Variants in NCALD observed in about 807,000 individuals in gnomAD.
NCALD encodes the protein neurocalcin-delta.
A neutral mutation model predicts 18.6 loss-of-function variants in NCALD; 10 were observed. The ratio of observed to expected loss-of-function variants is 0.54; its 90% confidence interval spans 0.33 to 0.91. NCALD has a LOEUF of 0.91. Among genes scored for constraint, NCALD ranks in the 40% least tolerant of loss-of-function variants. The probability of loss-of-function intolerance (pLI) is 0.03; values close to 1 mark genes in which losing one functional copy is unlikely to be tolerated. For synonymous variants in NCALD, 88 were observed against 87.4 expected (o/e 1.01, Z -0.04); for missense variants, 184 against 247.6 (o/e 0.74, Z 1.72).
chr8:101,700,209 C>T (rs894760244), intron 2 of NCALD, among the ~76,000 whole-genome samples: 1 of 151,956 alleles, frequency 6.6e-6, no homozygotes, highest in Non-Finnish European at 1.5e-5. Flanking sequence ...CAAAGGCATG[C>T]ACCACCACGC....
chr8:101,787,090 G>GAAATGTAGAAATA (rs1812257740), intron 1 of NCALD, among the ~76,000 whole-genome samples: 1 of 152,052 alleles, frequency 6.6e-6, no homozygotes, highest in Non-Finnish European at 1.5e-5. Flanking sequence ...ACTACATTTT[G>GAAATGTAGAAATA]GAATGCTATT....
chr8:101,904,157 T>A (rs1164224702), intron 3 of NCALD, among the ~76,000 whole-genome samples: 2 of 152,082 alleles, frequency 1.3e-5, no homozygotes, highest in Non-Finnish European at 2.9e-5. Flanking sequence ...TCGATAGGGA[T>A]CTCTGGAGCT....
At chr8:101,988,174 A>G (rs200638149) in intron 2 of NCALD, among the ~76,000 whole-genome samples, 50 of 151,542 alleles carry the variant, frequency 3.3e-4, no homozygotes, top group East Asian at 3.1e-3. Context: ...AAAAGAAAAA[A>G]AAAAAGAAAA....
chr8:101,838,589 C>T (rs1814509875), intron 4 of NCALD, among the ~76,000 whole-genome samples: 1 of 152,150 alleles, frequency 6.6e-6, no homozygotes, highest in South Asian at 2.1e-4. Flanking sequence ...CTAAGAAGTT[C>T]ACAGTAAATA....
rs574642019 is a variant in NCALD at position 101,714,865 on chromosome 8, C to T, written c.378+4387G>A. 2.3e-4 allele frequency among the ~76,000 whole-genome samples: 35 copies of T among 150,864 alleles called. 2 individuals carry two copies. The highest frequency in any genetic ancestry group is 7.8e-4 in the East Asian group (4 of 5,122). On this transcript the variant is annotated intron_variant, in intron 2 of 3. Transcript: ENST00000220931. Reference sequence around the variant, plus strand: ...CAAAAAAATTAGCCGGGCGCGGTGGCGGGCACCTGTAGTCCCAGCTACTCG... The same window carrying T: ...CAAAAAAATTAGCCGGGCGCGGTGGTGGGCACCTGTAGTCCCAGCTACTCG...
At chr8:101,976,048 C>T (rs1346110517) in intron 2 of NCALD, among the ~76,000 whole-genome samples, 2 of 152,082 alleles carry the variant, frequency 1.3e-5, no homozygotes, top group African/African-American at 2.4e-5. Context: ...GCCGTGGGTT[C>T]GCTATACTCC....
intron 2 of NCALD, among the ~76,000 whole-genome samples, chr8:101,957,302 T>G (rs1365424695): frequency 4.7e-5 from 7 of 148,292 alleles, no homozygotes; most frequent in Non-Finnish European, 4.5e-5. Context: ...TTTTTTTTTT[T>G]TTTTTTTTTT....
chr8:101,891,031 A>C (rs72679035), intron 3 of NCALD, among the ~76,000 whole-genome samples: 2 of 152,362 alleles, frequency 1.3e-5, no homozygotes, highest in East Asian at 1.9e-4. Flanking sequence ...TGAATGAAAG[A>C]AAGCAAGTAA....
At chr8:101,757,454 G>C (rs1810934213) in intron 1 of NCALD, among the ~76,000 whole-genome samples, 1 of 152,150 alleles carries the variant, frequency 6.6e-6, no homozygotes, top group Admixed American at 6.5e-5. Context: ...TACTCATAGA[G>C]GGCCAGTCAT....
intron 1 of NCALD, among the ~76,000 whole-genome samples, chr8:101,764,108 T>C (rs76394931): frequency 0.025 from 3,820 of 152,062 alleles, 164 homozygotes; most frequent in African/African-American, 0.088. Context: ...GGTGGACGGA[T>C]CTGAGTCTGG....
At chr8:101,793,068 T>C (rs368238051), upstream of NCALD, among the ~76,000 whole-genome samples, 8 of 152,194 alleles carry the variant, frequency 5.3e-5, no homozygotes, top group African/African-American at 1.7e-4. Flanking sequence ...TTCAGTGAAC[T>C]GGCTGGGCAT....
At chr8:102,004,405 C>T (rs2132039014) in intron 2 of NCALD, among the ~76,000 whole-genome samples, 1 of 152,178 alleles carries the variant, frequency 6.6e-6, no homozygotes, top group South Asian at 2.1e-4. Context: ...GAAGAACATT[C>T]CATGCTCATG....
intron 2 of NCALD, among the ~76,000 whole-genome samples, chr8:101,960,324 G>A (rs537524573): frequency 2.4e-4 from 37 of 152,122 alleles, no homozygotes; most frequent in Non-Finnish European, 4.4e-4. Context: ...GAAAAAATAA[G>A]TTCCCTCGGT....
At chr8:101,720,580 T>C in intron 1 of NCALD, among the ~76,000 whole-genome samples, 1 of 152,248 alleles carries the variant, frequency 6.6e-6, no homozygotes, top group Non-Finnish European at 1.5e-5. Flanking sequence ...TTTTGTTACC[T>C]ATTTTTAAAC....
intron 1 of NCALD, among the ~76,000 whole-genome samples, chr8:102,027,969 G>A (rs1822522495): frequency 6.6e-6 from 1 of 152,114 alleles, no homozygotes; most frequent in Admixed American, 6.5e-5. Flanking sequence ...TCAATTACCT[G>A]ACACAAAGGG....
At chr8:102,085,989 T>C (rs1275099157) in intron 1 of NCALD, among the ~76,000 whole-genome samples, 1 of 152,204 alleles carries the variant, frequency 6.6e-6, no homozygotes, top group Non-Finnish European at 1.5e-5. Context: ...CTGCTTAATC[T>C]TTTTTCCTGA....
chr8:101,692,336 A>C, intron 3 of NCALD: 1 of 985,428 alleles, frequency 1.0e-6, no homozygotes, highest in Non-Finnish European at 1.2e-6. Flanking sequence ...ATCTCAGTGC[A>C]TGCACAGGAG....
chr8:102,036,962 G>T (rs923523939), intron 1 of NCALD, among the ~76,000 whole-genome samples: 1 of 151,980 alleles, frequency 6.6e-6, no homozygotes, highest in Non-Finnish European at 1.5e-5. Flanking sequence ...TTATTTCCTG[G>T]AATGTAACTT....
intron 1 of NCALD, among the ~76,000 whole-genome samples, chr8:102,117,883 C>A (rs1332908706): frequency 2.6e-5 from 4 of 152,180 alleles, no homozygotes; most frequent in Non-Finnish European, 5.9e-5. Context: ...AAAACGTAAC[C>A]TTCCAGATCC....
Sources: gnomAD v4.1 joint callset for allele counts (sites outside exome capture counted in the v4.1 genomes callset) on GRCh38, gnomAD v4.1.1 for gene constraint, MANE v1.5 for transcripts, NCBI Gene and HGNC (gene_info 2026-07-23, HGNC 2026-07-21) for gene names.